Variants in SGCZ observed in about 807,000 individuals in gnomAD.
The protein encoded by SGCZ is sarcoglycan zeta, also known as zeta-sarcoglycan.
A neutral mutation model predicts 41.3 loss-of-function variants in SGCZ; 40 were observed. The observed-to-expected ratio is 0.97, with a 90% CI of 0.75 to 1.26. The LOEUF is 1.26. SGCZ is among the 50% of genes most tolerant of loss of function. The pLI is 0.00. For synonymous variants in SGCZ, 206 were observed against 137.5 expected, an observed-to-expected ratio of 1.50 and a Z score of -3.49; for missense variants, 552 against 369.8, an observed-to-expected ratio of 1.49 and a Z score of -4.04.
intron 2 of SGCZ, among the ~76,000 whole-genome samples, chr8:14,533,845 G>A (rs1357853777): frequency 6.6e-6 from 1 of 152,016 alleles, no homozygotes; most frequent in African/African-American, 2.4e-5. Context: ...GGGTAAGATA[G>A]GGTTACATAG....
intron 1 of SGCZ, among the ~76,000 whole-genome samples, chr8:14,586,778 G>A (rs1805072463): frequency 6.6e-6 from 1 of 151,996 alleles, no homozygotes. Context: ...TAAGCATTAT[G>A]CATAATATTA....
At chr8:14,349,717 G>A (rs546091719) in intron 2 of SGCZ, among the ~76,000 whole-genome samples, 1 of 152,228 alleles carries the variant, frequency 6.6e-6, no homozygotes, top group South Asian at 2.1e-4. Context: ...ATAAACTGCT[G>A]TGTTAAATCT....
chr8:14,973,996 G>A (rs1477124887), intron 1 of SGCZ, among the ~76,000 whole-genome samples: 2 of 152,094 alleles, frequency 1.3e-5, no homozygotes, highest in African/African-American at 4.8e-5. Context: ...TTTTCTGAGG[G>A]TGAAAACAAG....
intron 1 of SGCZ, among the ~76,000 whole-genome samples, chr8:14,610,057 G>A (rs1332512505): frequency 6.6e-6 from 1 of 152,150 alleles, no homozygotes; most frequent in Non-Finnish European, 1.5e-5. Flanking sequence ...TTAATTGGGG[G>A]TTTAAAAAAT....
intron 1 of SGCZ, among the ~76,000 whole-genome samples, chr8:15,227,317 A>G (rs1346277845): frequency 1.3e-5 from 2 of 152,184 alleles, no homozygotes; most frequent in Non-Finnish European, 2.9e-5. Context: ...TGATTCTGAG[A>G]GTGGAAGATC....
At chr8:15,150,975 T>C (rs1323462392) in intron 1 of SGCZ, among the ~76,000 whole-genome samples, 1 of 152,236 alleles carries the variant, frequency 6.6e-6, no homozygotes. Context: ...TTCTAATTAA[T>C]AGAACATGGC....
At chr8:14,775,833 G>A (rs1378736932) in intron 1 of SGCZ, among the ~76,000 whole-genome samples, 3 of 152,270 alleles carry the variant, frequency 2.0e-5, no homozygotes, top group Admixed American at 6.5e-5. Flanking sequence ...GAGCACAGGT[G>A]AGTGCAAACA....
intron 4 of SGCZ, among the ~76,000 whole-genome samples, chr8:14,225,130 G>C (rs1416805865): frequency 6.6e-6 from 1 of 152,014 alleles, no homozygotes; most frequent in African/African-American, 2.4e-5. Context: ...TACGTTACTT[G>C]CATTCATCTC....
At chr8:15,182,422 A>G (rs1800205627) in intron 1 of SGCZ, among the ~76,000 whole-genome samples, 1 of 152,318 alleles carries the variant, frequency 6.6e-6, no homozygotes, top group African/African-American at 2.4e-5. Context: ...ATCCTACTAC[A>G]TACCAAAGAA....
intron 3 of SGCZ, among the ~76,000 whole-genome samples, chr8:14,288,466 C>G (rs990750739): frequency 8.5e-5 from 13 of 152,120 alleles, no homozygotes; most frequent in African/African-American, 3.1e-4. Flanking sequence ...CTGGTAACCT[C>G]TAACCTGCTC....
chr8:14,275,970 T>C (rs182862019), intron 3 of SGCZ, among the ~76,000 whole-genome samples: 52 of 152,234 alleles, frequency 3.4e-4, no homozygotes, highest in African/African-American at 1.1e-3. Context: ...TCAGGCTGAG[T>C]CAAAAACTGT....
At chr8:14,557,165 T>C (rs908065591) in intron 1 of SGCZ, among the ~76,000 whole-genome samples, 6 of 152,104 alleles carry the variant, frequency 3.9e-5, no homozygotes, top group Non-Finnish European at 7.4e-5. Context: ...GGTTTTTATA[T>C]GCATTTCCAT....
rs951149430 is a variant in SGCZ, at chr8:14,798,089, C to T, written c.40-243163G>A. Among the ~76,000 whole-genome samples, 3 of 152,304 alleles carry T rather than the reference C, an allele frequency of 2.0e-5. No individual in the cohort carries two copies. In the South Asian group the frequency reaches 6.2e-4, roughly 32 times the overall value. The stretch of plus-strand genomic sequence containing the variant: ...TGTTGGGGCCCACTGGAACACAGCA[C>T]AATTTAAGCATCAAATAAATACTAT... On this transcript the variant is annotated intron_variant, in intron 1 of 7. Transcript: ENST00000382080.
At chr8:14,146,612 A>G (rs1563152834) in intron 5 of SGCZ, among the ~76,000 whole-genome samples, 2 of 152,114 alleles carry the variant, frequency 1.3e-5, no homozygotes, top group Admixed American at 1.3e-4. Flanking sequence ...AAAGCATCCA[A>G]AAATAATAAC....
At chr8:14,259,533 A>C in intron 3 of SGCZ, among the ~76,000 whole-genome samples, 1 of 144,502 alleles carries the variant, frequency 6.9e-6, no homozygotes. Context: ...ACATATGGCT[A>C]GCCAGTTTTC....
intron 2 of SGCZ, among the ~76,000 whole-genome samples, chr8:14,516,368 G>C (rs1419041242): frequency 1.3e-5 from 2 of 151,624 alleles, no homozygotes; most frequent in South Asian, 2.1e-4. Flanking sequence ...TTATTATTTA[G>C]CTTTCACTTA....
chr8:14,551,455 T>TTATATATATTATATATAA (rs1803808892), intron 2 of SGCZ, among the ~76,000 whole-genome samples: 3 of 6,030 alleles, frequency 5.0e-4, no homozygotes, highest in African/African-American at 9.6e-4. Flanking sequence ...CATATATATA[T>TTATATATATTATATATAA]TATATATATT....
chr8:14,809,536 C>A lies in SGCZ; in HGVS notation c.40-254610G>T, dbSNP rs144537440. Among the ~76,000 whole-genome samples the A allele has an allele frequency of 3.9e-5, 6 of 152,148 alleles. No individual in the cohort carries two copies. The East Asian group carries it at 1.2e-3, about 29-fold the overall frequency. On this transcript the variant is annotated intron_variant, in intron 1 of 7. Transcript: ENST00000382080. The stretch of plus-strand genomic sequence containing the variant: ...AAATTACCAATTCTCCATTTTATTT[C>A]CTTAATGAAGTTTTGACAATATTTC...
intron 5 of SGCZ, among the ~76,000 whole-genome samples, chr8:14,155,256 G>C (rs1003236389): frequency 6.6e-6 from 1 of 152,052 alleles, no homozygotes; most frequent in African/African-American, 2.4e-5. Context: ...ATCTCTTCAA[G>C]TTAATGCTCA....
Sources: allele counts gnomAD v4.1 joint callset (sites outside exome capture counted in the v4.1 genomes callset), GRCh38; gene constraint gnomAD v4.1.1; transcripts MANE v1.5; gene names NCBI Gene and HGNC (gene_info 2026-07-23, HGNC 2026-07-21).